The following KLF8 variants were observed in gnomAD, a reference collection of about 807,000 sequenced individuals.
KLF8 encodes the protein KLF transcription factor 8.
A neutral mutation model predicts 18.2 loss-of-function variants in KLF8; 10 were observed. That is an observed-to-expected ratio of 0.55 (90% confidence interval 0.34 to 0.93). The LOEUF is 0.93. KLF8 is among the 40% of genes least tolerant of loss of function. KLF8 has a pLI of 0.02. For missense variants in KLF8, 264 were observed against 277.9 expected (o/e 0.95, Z 0.36); for synonymous variants, 109 against 97.3 (o/e 1.12, Z -0.71).
Position 56,285,556 on chromosome X carries a change from G to A in KLF8, c.*1062G>A, listed in dbSNP as rs947683568. 2 of 111,339 alleles carry A rather than the reference G, an allele frequency of 1.8e-5. No individual in the cohort carries two copies. The highest frequency in any genetic ancestry group is 6.5e-5 in the African/African-American group (2 of 30,611). 9.2% of individuals were successfully genotyped at this position (111,339 alleles called of 1,213,427 possible). ...AGGGTCATGTTATACAGAAGTAAGG[G>A]GTTGGAAAAATGGAATGTTGTTCAC... is the stretch of plus-strand genomic sequence containing the variant. On this transcript the variant is annotated 3_prime_UTR_variant, in exon 6 of 6. Coordinates refer to ENST00000468660, the MANE Select transcript of KLF8 (RefSeq NM_007250.5).
the KLF8 span, among the ~76,000 whole-genome samples, chrX:56,132,939 T>C: frequency 9.0e-6 from 1 of 111,051 alleles, no homozygotes; most frequent in Non-Finnish European, 1.9e-5. Flanking sequence ...TTCCTGGAAA[T>C]ATACAACCCT....
the KLF8 span, among the ~76,000 whole-genome samples, chrX:56,155,983 A>G: frequency 3.6e-5 from 4 of 111,834 alleles, no homozygotes; most frequent in African/African-American, 9.8e-5. Flanking sequence ...TATAAAGAAC[A>G]TGATTTCATT....
chrX:56,165,642 A>G, the KLF8 span, among the ~76,000 whole-genome samples: 1 of 111,673 alleles, frequency 9.0e-6, no homozygotes, highest in Non-Finnish European at 1.9e-5. Context: ...TGAGTTGAGG[A>G]TTGCTTGAGG....
At chrX:56,037,500 T>A in the KLF8 span, among the ~76,000 whole-genome samples, 8 of 111,617 alleles carry the variant, frequency 7.2e-5, no homozygotes, top group African/African-American at 2.3e-4. Context: ...TTAATTTTTT[T>A]AAAAAAGTTT....
chrX:55,939,140 G>C, the KLF8 span, among the ~76,000 whole-genome samples: 4 of 111,628 alleles, frequency 3.6e-5, no homozygotes, highest in Non-Finnish European at 5.7e-5. Flanking sequence ...GCTCTCCTCA[G>C]CAAATGTAAA....
the KLF8 span, among the ~76,000 whole-genome samples, chrX:56,160,183 G>T: frequency 9.0e-6 from 1 of 111,583 alleles, no homozygotes; most frequent in Admixed American, 9.6e-5. Context: ...TTTAGTTTCC[G>T]TGTAGTTGAG....
chrX:56,159,194 G>C, the KLF8 span, among the ~76,000 whole-genome samples: 1 of 112,088 alleles, frequency 8.9e-6, no homozygotes, highest in Non-Finnish European at 1.9e-5. Flanking sequence ...TATGTTTATT[G>C]ATTTGCGTAT....
At chrX:55,917,338 A>T in the KLF8 span, among the ~76,000 whole-genome samples, 1 of 111,986 alleles carries the variant, frequency 8.9e-6, no homozygotes, top group East Asian at 2.8e-4. Flanking sequence ...GTTCCAATAA[A>T]ATGAATATGG....
At chrX:56,109,324 G>A in the KLF8 span, among the ~76,000 whole-genome samples, 1 of 106,986 alleles carries the variant, frequency 9.3e-6, no homozygotes, top group Non-Finnish European at 1.9e-5. Context: ...GAGCTAGGGA[G>A]ATTGAGGCTT....
At chrX:56,047,209 TTG>T in the KLF8 span, among the ~76,000 whole-genome samples, 22 of 47,386 alleles carry the variant, frequency 4.6e-4, no homozygotes, top group Admixed American at 1.3e-3. Flanking sequence ...TTTCCAGAAG[TTG>T]TGATGTTTTT....
At chrX:56,052,615 G>T in the KLF8 span, among the ~76,000 whole-genome samples, 2 of 112,032 alleles carry the variant, frequency 1.8e-5, no homozygotes, top group African/African-American at 6.5e-5. Context: ...TGAGGAAGCA[G>T]TCTCCCCATT....
intron 5 of KLF8, among the ~76,000 whole-genome samples, chrX:56,272,922 A>G (rs988727745): frequency 5.4e-5 from 6 of 111,470 alleles, no homozygotes; most frequent in African/African-American, 2.0e-4. Context: ...CTTGCCTCTT[A>G]TTAATTTTAT....
the KLF8 span, among the ~76,000 whole-genome samples, chrX:56,051,196 T>G: frequency 9.7e-4 from 108 of 111,587 alleles, no homozygotes; most frequent in African/African-American, 3.4e-3. Context: ...GAATACAGCA[T>G]ACTGATGGGT....
In KLF8 at chrX:56,289,025, G is replaced by C. The variant is rs1473591548; in HGVS notation, c.*4531G>C. 8.9e-6 allele frequency among the ~76,000 whole-genome samples: 1 copy of C among 112,103 alleles called. No homozygotes were observed. Among genetic ancestry groups the C allele is most frequent in the Non-Finnish European group, 1.9e-5 (1 of 53,237 alleles). ...TAAGTTATATGCCACACCCTTCAGA[G>C]CATGTATCTTACATAAATTATTTGG... On this transcript the variant is annotated 3_prime_UTR_variant, in exon 6 of 6. Coordinates refer to ENST00000468660, the MANE Select transcript of KLF8 (RefSeq NM_007250.5).
chrX:56,056,468 C>T, the KLF8 span, among the ~76,000 whole-genome samples: 1 of 108,022 alleles, frequency 9.3e-6, no homozygotes, highest in Non-Finnish European at 1.9e-5. Context: ...ACTATGCAGC[C>T]ATAAAAAATG....
chrX:56,179,250 G>A, the KLF8 span, among the ~76,000 whole-genome samples: 1 of 111,729 alleles, frequency 9.0e-6, no homozygotes, highest in Admixed American at 9.5e-5. Flanking sequence ...ACTCTTAGTA[G>A]CAATTGTGAA....
At chrX:56,218,257 G>A in the KLF8 span, among the ~76,000 whole-genome samples, 1 of 110,723 alleles carries the variant, frequency 9.0e-6, no homozygotes, top group African/African-American at 3.3e-5. Context: ...ACTACAAGCA[G>A]GAGATAGTGA....
chrX:56,198,784 C>A, the KLF8 span, among the ~76,000 whole-genome samples: 1 of 111,790 alleles, frequency 8.9e-6, no homozygotes, highest in African/African-American at 3.2e-5. Context: ...ATTGCCAAGA[C>A]AATTCTAAGT....
chrX:55,964,330 C>T, the KLF8 span, among the ~76,000 whole-genome samples: 1 of 112,381 alleles, frequency 8.9e-6, no homozygotes, highest in Non-Finnish European at 1.9e-5. Context: ...ATTCCCAGCA[C>T]TTTGGGAGGC....
Sources: gnomAD v4.1 joint callset for allele counts (sites outside exome capture counted in the v4.1 genomes callset) on GRCh38, gnomAD v4.1.1 for gene constraint, MANE v1.5 for transcripts, NCBI Gene and HGNC (gene_info 2026-07-23, HGNC 2026-07-21) for gene names.